The following TRPM3 variants were observed in gnomAD, a reference collection of about 807,000 sequenced individuals.
TRPM3 encodes the protein transient receptor potential cation channel subfamily M member 3, also known as long transient receptor potential channel 3.
TRPM3 carries 77 observed loss-of-function variants against 181.2 expected under a neutral mutation model. The ratio of observed to expected loss-of-function variants is 0.42; its 90% CI spans 0.35 to 0.51. The LOEUF is 0.51. Ranked by LOEUF, TRPM3 falls within the 20% of genes least tolerant of loss-of-function variation. The pLI, the probability that TRPM3 is intolerant of heterozygous loss-of-function variation, is 0.01. For missense variants in TRPM3, 1,759 were observed against 2,196.7 expected, an observed-to-expected ratio of 0.80 and a Z score of 3.98; for synonymous variants, 745 against 796.4, an observed-to-expected ratio of 0.94 and a Z score of 1.09.
intron 1 of TRPM3, among the ~76,000 whole-genome samples, chr9:71,316,848 GAATT>G (rs2088642227): frequency 6.6e-6 from 1 of 152,068 alleles, no homozygotes; most frequent in Admixed American, 6.6e-5. Context: ...TCACTCATAA[GAATT>G]AATCTCATCG....
At chr9:71,185,566 C>G (rs1281963610) in intron 1 of TRPM3, among the ~76,000 whole-genome samples, 1 of 152,042 alleles carries the variant, frequency 6.6e-6, no homozygotes, top group Non-Finnish European at 1.5e-5. Flanking sequence ...ATTAGGACAG[C>G]CTTTGAACAA....
At chr9:70,645,563 G>A (rs1208449688) in intron 9 of TRPM3, among the ~76,000 whole-genome samples, 3 of 152,000 alleles carry the variant, frequency 2.0e-5, no homozygotes, top group East Asian at 1.9e-4. Flanking sequence ...TTAACTCAAG[G>A]TGGATTAAAG....
Position 71,398,350 on chromosome 9 carries a change from A to C in TRPM3, c.183+48303T>G, listed in dbSNP as rs145486227. On this transcript the variant is annotated intron_variant, in intron 1 of 24. Transcript: ENST00000357533. ...ACTATTTTTCCCACAAGGTTGTTAT[A>C]ATGAATAAATGAGAAGCTGTGTGTA... Among the ~76,000 whole-genome samples, 1,120 of 152,340 alleles carry C rather than the reference A, an allele frequency of 7.4e-3. 10 individuals are homozygous for C. Among genetic ancestry groups the C allele is most frequent in the Non-Finnish European group, 0.012 (784 of 68,028 alleles).
At chr9:71,400,609 T>C (rs2093319711) in intron 1 of TRPM3, among the ~76,000 whole-genome samples, 1 of 152,102 alleles carries the variant, frequency 6.6e-6, no homozygotes, top group Non-Finnish European at 1.5e-5. Context: ...ATTTTAACTT[T>C]TTCAATTTTC....
intron 1 of TRPM3, among the ~76,000 whole-genome samples, chr9:71,425,508 T>C (rs2093847973): frequency 6.6e-6 from 1 of 152,128 alleles, no homozygotes; most frequent in African/African-American, 2.4e-5. Flanking sequence ...GCAAATTCAA[T>C]TGCACCCACC....
intron 22 of TRPM3, chr9:70,579,072 A>C (rs1049254063): frequency 6.6e-6 from 1 of 152,234 alleles, no homozygotes; most frequent in Admixed American, 6.5e-5. Context: ...ATAAGTAAGC[A>C]TGTTTGAGAG....
At chr9:71,364,685 TA>T (rs2092276108) in intron 1 of TRPM3, among the ~76,000 whole-genome samples, 1 of 152,146 alleles carries the variant, frequency 6.6e-6, no homozygotes, top group Non-Finnish European at 1.5e-5. Context: ...GACAAGACAA[TA>T]AAAGAGTATT....
Position 70,949,531 on chromosome 9 carries a change from G to A in TRPM3, c.178-85020C>T, listed in dbSNP as rs569427253. Among the ~76,000 whole-genome samples, 17 of 152,162 alleles carry A rather than the reference G, an allele frequency of 1.1e-4. 1 individual carries two copies. In the South Asian group the frequency reaches 3.5e-3, roughly 32 times the overall value. ...AGAAGGACTTCTCCCCCATGCAGGG[G>A]AGTTTGAATGTAATTTTTTTTTTTT... On this transcript the variant is annotated intron_variant, in intron 1 of 25. Transcript: ENST00000677713.
At chr9:71,001,090 T>C (rs550673242) in intron 1 of TRPM3, among the ~76,000 whole-genome samples, 1 of 152,332 alleles carries the variant, frequency 6.6e-6, no homozygotes, top group East Asian at 1.9e-4. Context: ...GGTGTAGCAC[T>C]TGTTCAAGTG....
At chr9:71,144,627 A>G (rs778201060) in intron 1 of TRPM3, among the ~76,000 whole-genome samples, 8 of 152,166 alleles carry the variant, frequency 5.3e-5, no homozygotes, top group South Asian at 2.1e-4. Flanking sequence ...ACTCATTATA[A>G]TGAACATTAC....
At chr9:71,294,135 T>C (rs189086220) in intron 1 of TRPM3, among the ~76,000 whole-genome samples, 2 of 152,108 alleles carry the variant, frequency 1.3e-5, no homozygotes, top group South Asian at 2.1e-4. Flanking sequence ...AGAAAACTAT[T>C]GATAAATTCA....
chr9:71,345,003 T>C (rs1395793405), intron 1 of TRPM3, among the ~76,000 whole-genome samples: 2 of 152,190 alleles, frequency 1.3e-5, no homozygotes, highest in Non-Finnish European at 2.9e-5. Flanking sequence ...TCATCATCAC[T>C]GGTCATTAGA....
chr9:71,060,016 G>A (rs2061126575), intron 1 of TRPM3, among the ~76,000 whole-genome samples: 1 of 152,042 alleles, frequency 6.6e-6, no homozygotes, highest in Admixed American at 6.6e-5. Context: ...TTTGACCTGA[G>A]AGCTGTATAC....
intron 25 of TRPM3, among the ~76,000 whole-genome samples, chr9:70,538,676 C>T (rs1414849): frequency 3.9e-4 from 60 of 152,248 alleles, no homozygotes; most frequent in African/African-American, 1.4e-3. Context: ...GCTTCTCGTG[C>T]CTCAGCCTCC....
rs193218509 is a variant in TRPM3, at chr9:71,033,181, T to C, written c.177+87997A>G. Among the ~76,000 whole-genome samples the C allele has an allele frequency of 4.7e-4, 72 of 152,322 alleles. 1 individual carries two copies. The highest frequency in any genetic ancestry group is 4.4e-3 in the Admixed American group (67 of 15,310). On this transcript the variant is annotated intron_variant, in intron 1 of 25. Transcript: ENST00000677713. ...TTGTAGCCCTTAAAGCAAAAGGAAA[T>C]GTGGTACTTAGAGAGAAGTGGTCCT...
chr9:70,614,080 T>C (rs1199756323), intron 18 of TRPM3, among the ~76,000 whole-genome samples: 2 of 152,102 alleles, frequency 1.3e-5, no homozygotes, highest in African/African-American at 4.8e-5. Flanking sequence ...CCTTAACCTA[T>C]TGTCTAAAAG....
intron 1 of TRPM3, among the ~76,000 whole-genome samples, chr9:71,443,621 C>T (rs2094163872): frequency 6.6e-6 from 1 of 152,094 alleles, no homozygotes; most frequent in South Asian, 2.1e-4. Flanking sequence ...TCCAGAAATG[C>T]AACTTTTGGG....
intron 9 of TRPM3, among the ~76,000 whole-genome samples, chr9:70,656,584 T>C (rs2060372108): frequency 6.6e-6 from 1 of 152,238 alleles, no homozygotes; most frequent in Admixed American, 6.5e-5. Context: ...AATTTTGCAG[T>C]GGCAGTCCAT....
intron 20 of TRPM3, among the ~76,000 whole-genome samples, chr9:70,602,714 G>A (rs919990591): frequency 9.9e-5 from 15 of 152,252 alleles, no homozygotes; most frequent in African/African-American, 3.6e-4. Flanking sequence ...GGTTAGCTCT[G>A]ATTTCAAATA....
Sources: gnomAD v4.1 joint callset for allele counts (sites outside exome capture counted in the v4.1 genomes callset) on GRCh38, gnomAD v4.1.1 for gene constraint, MANE v1.5 for transcripts, NCBI Gene and HGNC (gene_info 2026-07-23, HGNC 2026-07-21) for gene names.